Variants in SCHIP1 observed in about 807,000 individuals in gnomAD.
The protein encoded by SCHIP1 is schwannomin interacting protein 1, also known as schwannomin-interacting protein 1.
Under a neutral mutation model 29.7 loss-of-function variants are expected in SCHIP1, and 8 were observed. That is an observed-to-expected ratio of 0.27 (90% CI 0.16 to 0.49). The LOEUF (loss-of-function observed/expected upper bound fraction) is 0.49, where lower values mean the gene tolerates loss of function less well. Ranked by LOEUF, SCHIP1 falls within the 20% of genes least tolerant of loss-of-function variation. The probability of loss-of-function intolerance (pLI) is 0.99; values close to 1 mark genes in which losing one functional copy is unlikely to be tolerated. For missense variants in SCHIP1, 193 were observed against 294.6 expected, an observed-to-expected ratio of 0.66 and a Z score of 2.52; for synonymous variants, 76 against 94.9, an observed-to-expected ratio of 0.80 and a Z score of 1.16.
chr3:159,386,908 C>G, the SCHIP1 span: 1 of 155,320 alleles, frequency 6.4e-6, no homozygotes, highest in South Asian at 2.0e-4. Flanking sequence ...GAGATGGCAT[C>G]AAAGGTAGCC....
the SCHIP1 span, among the ~76,000 whole-genome samples, chr3:159,739,493 CAT>C: frequency 6.6e-6 from 1 of 152,308 alleles, no homozygotes; most frequent in South Asian, 2.1e-4. Context: ...TGCTAAATAA[CAT>C]ATAAAATGCT....
At chr3:159,517,221 T>G in the SCHIP1 span, among the ~76,000 whole-genome samples, 1 of 152,196 alleles carries the variant, frequency 6.6e-6, no homozygotes. Flanking sequence ...GAAAAAATAT[T>G]ATTATACTGA....
At chr3:159,530,089 T>G in the SCHIP1 span, among the ~76,000 whole-genome samples, 2 of 152,162 alleles carry the variant, frequency 1.3e-5, no homozygotes, top group African/African-American at 4.8e-5. Context: ...AATATACTGA[T>G]TTCCTTTCTT....
At chr3:159,573,579 T>C in the SCHIP1 span, among the ~76,000 whole-genome samples, 12 of 152,208 alleles carry the variant, frequency 7.9e-5, no homozygotes, top group African/African-American at 2.9e-4. Flanking sequence ...ATCTGAAGAT[T>C]ATGTGTCTTG....
At chr3:159,607,732 C>T in the SCHIP1 span, among the ~76,000 whole-genome samples, 1 of 148,866 alleles carries the variant, frequency 6.7e-6, no homozygotes. Flanking sequence ...AGAACAGGAG[C>T]CCCCTGTGAG....
chr3:159,606,360 A>G, the SCHIP1 span, among the ~76,000 whole-genome samples: 1 of 152,188 alleles, frequency 6.6e-6, no homozygotes, highest in African/African-American at 2.4e-5. Context: ...ATGAAAATCT[A>G]TATTGCCCTT....
At chr3:159,389,649 T>C in the SCHIP1 span, among the ~76,000 whole-genome samples, 2 of 152,072 alleles carry the variant, frequency 1.3e-5, no homozygotes, top group South Asian at 4.1e-4. Context: ...GCATTACTGT[T>C]ACAAACCAAG....
At chr3:159,343,943 G>A in the SCHIP1 span, among the ~76,000 whole-genome samples, 1 of 152,236 alleles carries the variant, frequency 6.6e-6, no homozygotes, top group Admixed American at 6.5e-5. Flanking sequence ...ATTAAAAAAT[G>A]GGTTTCTATT....
At chr3:159,551,982 G>C in the SCHIP1 span, among the ~76,000 whole-genome samples, 1 of 148,632 alleles carries the variant, frequency 6.7e-6, no homozygotes, top group Non-Finnish European at 1.5e-5. Flanking sequence ...GCACTTGCTT[G>C]TGGTATGGTA....
chr3:159,372,633 C>G, the SCHIP1 span, among the ~76,000 whole-genome samples: 3 of 152,012 alleles, frequency 2.0e-5, no homozygotes, highest in Admixed American at 6.6e-5. Flanking sequence ...GCTTTGCAGA[C>G]CACATCTGCC....
chr3:159,792,577 A>G, the SCHIP1 span, among the ~76,000 whole-genome samples: 4 of 152,170 alleles, frequency 2.6e-5, no homozygotes, highest in Non-Finnish European at 4.4e-5. Flanking sequence ...AGATATCTGT[A>G]TTTCATTCAC....
chr3:159,840,029 G>A, exon 1 of SCHIP1: 2 of 1,466,958 alleles, frequency 1.4e-6, no homozygotes, highest in Non-Finnish European at 9.0e-7. Flanking sequence ...GTGCCACTGC[G>A]CAGGTTGATC....
At chr3:159,336,932 G>T in the SCHIP1 span, among the ~76,000 whole-genome samples, 1 of 152,232 alleles carries the variant, frequency 6.6e-6, no homozygotes, top group Middle Eastern at 3.4e-3. Context: ...ATTACCTTGG[G>T]CAGTATGGCC....
At chr3:159,620,730 T>C in the SCHIP1 span, among the ~76,000 whole-genome samples, 1 of 152,228 alleles carries the variant, frequency 6.6e-6, no homozygotes, top group African/African-American at 2.4e-5. Context: ...TGTGTGATCA[T>C]GGGCATGTGG....
chr3:159,340,338 A>G, the SCHIP1 span, among the ~76,000 whole-genome samples: 1 of 151,962 alleles, frequency 6.6e-6, no homozygotes, highest in Non-Finnish European at 1.5e-5. Flanking sequence ...TAAATGATGC[A>G]ATTCCAATAA....
chr3:159,532,269 C>T, the SCHIP1 span, among the ~76,000 whole-genome samples: 3 of 151,630 alleles, frequency 2.0e-5, no homozygotes, highest in African/African-American at 7.3e-5. Context: ...AAATGGTAAA[C>T]AATGTTTATT....
At chr3:159,701,538 C>T in the SCHIP1 span, among the ~76,000 whole-genome samples, 2 of 152,076 alleles carry the variant, frequency 1.3e-5, no homozygotes, top group Non-Finnish European at 1.5e-5. Flanking sequence ...TATATTTAAA[C>T]ATTTATTTTC....
At chr3:159,462,463 AT>A in the SCHIP1 span, among the ~76,000 whole-genome samples, 4 of 151,760 alleles carry the variant, frequency 2.6e-5, no homozygotes, top group Non-Finnish European at 5.9e-5. Flanking sequence ...CTCTCAGTCT[AT>A]TTTCATTACC....
At chr3:159,392,715 T>A in the SCHIP1 span, among the ~76,000 whole-genome samples, 3 of 152,042 alleles carry the variant, frequency 2.0e-5, no homozygotes, top group East Asian at 5.8e-4. Context: ...TCTATCATTG[T>A]TGGACATTTG....
Sources: allele counts gnomAD v4.1 joint callset (sites outside exome capture counted in the v4.1 genomes callset), GRCh38; gene constraint gnomAD v4.1.1; transcripts MANE v1.5; gene names NCBI Gene and HGNC (gene_info 2026-07-23, HGNC 2026-07-21).